Variants in TBC1D9B observed in about 807,000 individuals in gnomAD.
The protein encoded by TBC1D9B is TBC1 domain family member 9B.
TBC1D9B carries 87 observed loss-of-function variants against 121.1 expected under a neutral mutation model. The ratio of observed to expected loss-of-function variants is 0.72; its 90% CI spans 0.60 to 0.86. The LOEUF (loss-of-function observed/expected upper bound fraction) is 0.86, where lower values mean the gene tolerates loss of function less well. Ranked by LOEUF, TBC1D9B falls within the 40% of genes least tolerant of loss-of-function variation. The probability of loss-of-function intolerance (pLI) is 0.00; values close to 1 mark genes in which losing one functional copy is unlikely to be tolerated. For synonymous variants in TBC1D9B, 668 were observed against 670.1 expected (o/e 1.00, Z 0.05); for missense variants, 1,540 against 1,628.6 (o/e 0.95, Z 0.94).
intron 2 of TBC1D9B, among the ~76,000 whole-genome samples, chr5:179,903,903 T>A (rs917464909): frequency 6.6e-6 from 1 of 152,190 alleles, no homozygotes; most frequent in African/African-American, 2.4e-5. Context: ...CAGAGCGTCG[T>A]CCTGTTCTGC....
chr5:179,887,222 TG>T (rs770783253), intron 7 of TBC1D9B, among the ~76,000 whole-genome samples: 13 of 152,230 alleles, frequency 8.5e-5, no homozygotes, highest in Non-Finnish European at 1.6e-4. Flanking sequence ...CACTGGCCGC[TG>T]GATCCAGGCA....
At position 179,873,192 on chromosome 5, in the gene TBC1D9B, C is replaced by T. The variant is rs776452101; in HGVS notation, c.2243G>A (p.Arg748His). 34 of 1,613,176 alleles carry T rather than the reference C, an allele frequency of 2.1e-5. No homozygotes were observed. The highest frequency in any genetic ancestry group is 2.7e-5 in the African/African-American group (2 of 74,938). Residue 748 changes from arginine to histidine, a missense_variant, in exon 13 of 21, where the codon CGT (arginine) becomes CAT (histidine). Physicochemically the swap from Arg to His is conservative, Grantham distance 29. Coordinates refer to ENST00000355235, the MANE Select transcript of TBC1D9B (RefSeq NM_015043.4). Reference protein sequence around the residue: ...QSVSPPIPHLRALLSSSDDPP... With the variant: ...QSVSPPIPHLHALLSSSDDPP... ...GTCATCGCTGCTGCTCAGCAAGGCA[C>T]GGAGGTGCGGGATAGGAGGAGAGAC...
intron 1 of TBC1D9B, among the ~76,000 whole-genome samples, chr5:179,905,582 C>T (rs1039306315): frequency 6.6e-6 from 1 of 152,226 alleles, no homozygotes; most frequent in Non-Finnish European, 1.5e-5. Context: ...AGATGACACA[C>T]ATTAAGCAGT....
chr5:179,894,405 G>A lies in TBC1D9B; in HGVS notation c.558C>T (p.Ser186=), dbSNP rs1760961253. 2 of 1,613,628 alleles carry A rather than the reference G, an allele frequency of 1.2e-6. No individual in the cohort carries two copies. Among genetic ancestry groups the A allele is most frequent in the African/African-American group, 2.7e-5 (2 of 75,030 alleles). Residue 186 remains serine, a synonymous_variant, in exon 4 of 21, where the codon TCC becomes TCT. Transcript: ENST00000355235. ...GCTCACCTTCCTTCCCCAGCAGGAA[G>A]GAGTAGAAGCACAGGTGGTTGACCG... ...YLTVNHLCFY[S]FLLGKEVSLV...
chr5:179,888,638 T>C (rs1432644352), intron 6 of TBC1D9B, among the ~76,000 whole-genome samples: 1 of 152,144 alleles, frequency 6.6e-6, no homozygotes, highest in Non-Finnish European at 1.5e-5. Flanking sequence ...AGCAGTCCCT[T>C]GCTTGCAGGA....
Position 179,881,076 on chromosome 5 carries a change from G to A in TBC1D9B, c.1255-1287C>T, listed in dbSNP as rs144849650. On this transcript the variant is annotated intron_variant, in intron 7 of 20. Coordinates refer to ENST00000355235, the MANE Select transcript of TBC1D9B (RefSeq NM_015043.4). ...TCCTGGCCAGGGAAGGGGCCAGACC[G>A]CCGGGTGTGTGGCGTGCAGCCAACG... Among the ~76,000 whole-genome samples the A allele has an allele frequency of 2.4e-3, 365 of 152,194 alleles. 1 individual carries two copies. The highest frequency in any genetic ancestry group is 8.2e-3 in the African/African-American group (341 of 41,504).
In TBC1D9B at chr5:179,904,556, G is replaced by C. The variant is rs555494847; in HGVS notation, c.229+146C>G. On this transcript the variant is annotated intron_variant, in intron 2 of 20. Transcript: ENST00000355235. This position sits in a 1 kb window ranked among gnomAD's most constrained non-coding sequence, Gnocchi z 4.2. ...CTGCCTTTCTAAGATGGAAGCGAAG[G>C]CTCCTCCACTTCCCTCTTGCAGCCT... 34 of 728,584 alleles carry C rather than the reference G, an allele frequency of 4.7e-5. No individual in the cohort carries two copies. The highest frequency in any genetic ancestry group is 3.7e-4 in the Middle Eastern group (1 of 2,704). 45.1% of individuals were successfully genotyped at this position (728,584 alleles called of 1,614,324 possible).
chr5:179,893,159 C>A, intron 5 of TBC1D9B, 50 bp downstream of exon 5: 1 of 1,548,826 alleles, frequency 6.5e-7, no homozygotes, highest in South Asian at 1.2e-5. Flanking sequence ...CAGCCAAGGT[C>A]AGCGAACCTG....
At chr5:179,884,442 G>T (rs769026403) in intron 7 of TBC1D9B, 17 of 152,068 alleles carry the variant, frequency 1.1e-4, no homozygotes, top group Admixed American at 1.0e-3. Flanking sequence ...GTGCACAGTT[G>T]GTGGATAGAG....
intron 10 of TBC1D9B, among the ~76,000 whole-genome samples, chr5:179,877,823 G>A (rs1760403995): frequency 6.6e-6 from 1 of 152,220 alleles, no homozygotes; most frequent in Admixed American, 6.5e-5. Flanking sequence ...GGCAAATACT[G>A]TGTTATTTCA....
chr5:179,906,273 G>A (rs371802928), intron 1 of TBC1D9B, among the ~76,000 whole-genome samples: 1 of 152,188 alleles, frequency 6.6e-6, no homozygotes, highest in African/African-American at 2.4e-5. Context: ...AAACCTAGCA[G>A]TGGGGAGAGA....
chr5:179,901,693 T>C (rs1449221909), intron 2 of TBC1D9B, among the ~76,000 whole-genome samples: 1 of 152,200 alleles, frequency 6.6e-6, no homozygotes, highest in Non-Finnish European at 1.5e-5. Flanking sequence ...GAGGATCGCT[T>C]TAGCCAGAGA....
chr5:179,868,551 G>A (rs444590), intron 17 of TBC1D9B: 16,341 of 152,268 alleles, frequency 0.11, 2,865 homozygotes, highest in African/African-American at 0.37. Context: ...GCAGCTGCCC[G>A]CCTGCCCCAG....
At position 179,863,850 on chromosome 5, in the gene TBC1D9B, G is replaced by A. The variant is rs201745900; in HGVS notation, c.3300C>T (p.Leu1100=). 52 of 1,613,248 alleles carry A rather than the reference G, an allele frequency of 3.2e-5. No individual in the cohort carries two copies. The highest frequency in any genetic ancestry group is 1.1e-4 in the South Asian group (10 of 91,062). ...CCTGGCTCTCCTGTGGGGCTTTTCC[G>A]AGGTGTGTGTCTCCGCCTGCTTTGG... ...PQAKAGGDTH[L]GKAPQESQVV... is the part of the protein sequence containing the mutation. Residue 1100 remains leucine, a synonymous_variant, in exon 21 of 21, where the codon CTC becomes CTT. Coordinates refer to ENST00000355235, the MANE Select transcript of TBC1D9B (RefSeq NM_015043.4). This position sits in a 1 kb window ranked among gnomAD's most constrained non-coding sequence, Gnocchi z 4.5.
intron 15 of TBC1D9B, 65 bp downstream of exon 15, chr5:179,871,397 C>T: frequency 6.7e-7 from 1 of 1,498,712 alleles, no homozygotes; most frequent in Non-Finnish European, 9.2e-7. Flanking sequence ...CTCTTAGATC[C>T]ATTTCTTTTC....
At chr5:179,876,444 G>C (rs1760362142) in intron 10 of TBC1D9B, among the ~76,000 whole-genome samples, 1 of 152,182 alleles carries the variant, frequency 6.6e-6, no homozygotes, top group Non-Finnish European at 1.5e-5. Flanking sequence ...TGACCAAGCT[G>C]ATGTGGAGGT....
At chr5:179,867,294 G>C in intron 18 of TBC1D9B, 2 of 833,534 alleles carry the variant, frequency 2.4e-6, no homozygotes, top group Non-Finnish European at 3.7e-6. Context: ...CGGTGCAGAG[G>C]AGTGGCTTGC....
At chr5:179,864,356 C>G (rs898083660) in intron 20 of TBC1D9B, among the ~76,000 whole-genome samples, 24 of 152,182 alleles carry the variant, frequency 1.6e-4, no homozygotes, top group African/African-American at 5.8e-4. Flanking sequence ...TCTTGGCACT[C>G]AGAGCATGCT....
chr5:179,894,519 A>C lies in TBC1D9B; in HGVS notation c.444T>G (p.Phe148Leu). The change falls in exon 4 of 21, where the codon TTT becomes TTG. Residue 148 changes from phenylalanine (F) to leucine (L), a missense_variant. Physicochemically the swap from Phe to Leu is conservative, Grantham distance 22. Transcript: ENST00000355235. ...CCAGCTTCTCGCCCTCAGGCATCCC[A>C]AACTGCTTCCGCATCTTCAGCTCAG... ...KEAELKMRKQFGMPEGEKLVN... is the reference protein window; with the variant it reads ...KEAELKMRKQLGMPEGEKLVN... The C allele has an allele frequency of 6.2e-7, 1 of 1,614,230 alleles. No individual in the cohort carries two copies. The highest frequency in any genetic ancestry group is 8.5e-7 in the Non-Finnish European group (1 of 1,180,022).
Sources: allele counts gnomAD v4.1 joint callset (sites outside exome capture counted in the v4.1 genomes callset), GRCh38; gene constraint gnomAD v4.1.1; non-coding constraint Gnocchi (gnomAD v3.1); transcripts MANE v1.5; gene names NCBI Gene and HGNC (gene_info 2026-07-23, HGNC 2026-07-21).